Variants in ANO2 observed in about 807,000 individuals in gnomAD.
ANO2 encodes anoctamin-2.
In ANO2, 101 loss-of-function variants were observed where a neutral mutation model predicts 124.2. That is an observed-to-expected ratio of 0.81 (90% confidence interval 0.69 to 0.96). The LOEUF is 0.96. Ranked by LOEUF, ANO2 falls within the 40% of genes least tolerant of loss-of-function variation. The pLI, the probability that ANO2 is intolerant of heterozygous loss-of-function variation, is 0.00. For synonymous variants in ANO2, 486 were observed against 482.5 expected (o/e 1.01, Z -0.09); for missense variants, 1,293 against 1,274.5 (o/e 1.01, Z -0.22).
chr12:5,755,506 T>C (rs904024647), intron 10 of ANO2, among the ~76,000 whole-genome samples: 3 of 152,114 alleles, frequency 2.0e-5, no homozygotes, highest in African/African-American at 7.2e-5. Context: ...GCTGCACCCA[T>C]TAACTCGTCA....
intron 14 of ANO2, among the ~76,000 whole-genome samples, chr12:5,706,774 A>G (rs183029769): frequency 1.3e-5 from 2 of 152,344 alleles, no homozygotes; most frequent in East Asian, 3.8e-4. Context: ...GGTATATAGT[A>G]AATACTCAAC....
At chr12:5,868,700 T>C (rs1193205977) in intron 3 of ANO2, among the ~76,000 whole-genome samples, 2 of 152,168 alleles carry the variant, frequency 1.3e-5, no homozygotes, top group Non-Finnish European at 2.9e-5. Flanking sequence ...GTCTGGATCG[T>C]GTCCTCTCTA....
At position 5,870,028 on chromosome 12, in the gene ANO2, G is replaced by A. The variant is rs116363596; in HGVS notation, c.535-15887C>T. Among the ~76,000 whole-genome samples, 806 of 152,272 alleles carry A rather than the reference G, an allele frequency of 5.3e-3. 10 individuals carry two copies. The highest frequency in any genetic ancestry group is 0.018 in the African/African-American group (763 of 41,540). Reference sequence around the variant, plus strand: ...AAGAATACTGTCACTCTCACTAAACGTGTGTGTCTCAGGAGATGAAGAGAG... The same window carrying A: ...AAGAATACTGTCACTCTCACTAAACATGTGTGTCTCAGGAGATGAAGAGAG... On this transcript the variant is annotated intron_variant, in intron 3 of 24. Coordinates refer to ENST00000682330, the MANE Select transcript of ANO2 (RefSeq NM_001364791.2).
chr12:5,638,912 A>G (rs73042438), intron 15 of ANO2, among the ~76,000 whole-genome samples: 56,823 of 151,962 alleles, frequency 0.37, 11,113 homozygotes, highest in East Asian at 0.66. Flanking sequence ...GGTAAGAGAG[A>G]AGACCTCTTC....
At chr12:5,628,112 G>A (rs1565492833) in intron 16 of ANO2, among the ~76,000 whole-genome samples, 1 of 151,984 alleles carries the variant, frequency 6.6e-6, no homozygotes, top group African/African-American at 2.4e-5. Flanking sequence ...TTTGAAAAAA[G>A]AGAGAGAGAT....
At chr12:5,933,277 G>A (rs1369042218) in intron 1 of ANO2, among the ~76,000 whole-genome samples, 1 of 152,164 alleles carries the variant, frequency 6.6e-6, no homozygotes, top group East Asian at 1.9e-4. Flanking sequence ...ACTGCCTGCA[G>A]CTCCCAGAAG....
chr12:5,920,654 G>A lies in ANO2; in HGVS notation c.534+386C>T, dbSNP rs1010332311. Among the ~76,000 whole-genome samples, 8 of 152,126 alleles carry A rather than the reference G, an allele frequency of 5.3e-5. No homozygotes were observed. The South Asian group carries it at 1.2e-3, about 24-fold the overall frequency. ...GCCGAGGATGCCAGATCAGAAGGTC[G>A]GGAGATCGAGACCATCCTGGCTAAC... On this transcript the variant is annotated intron_variant, in intron 3 of 24. Transcript: ENST00000682330.
intron 14 of ANO2, among the ~76,000 whole-genome samples, chr12:5,728,481 T>C (rs1430002348): frequency 2.0e-5 from 3 of 152,084 alleles, no homozygotes; most frequent in Non-Finnish European, 2.9e-5. Context: ...CTATAAAACA[T>C]TGTTGAAAAA....
chr12:5,575,693 G>T, intron 23 of ANO2, 141 bp downstream of exon 23: 1 of 920,734 alleles, frequency 1.1e-6, no homozygotes, highest in East Asian at 2.7e-5. Context: ...ATAATCTTAC[G>T]GGACAATCGC....
At chr12:5,739,777 C>G in intron 12 of ANO2, 1 of 421,150 alleles carries the variant, frequency 2.4e-6, no homozygotes, top group South Asian at 1.8e-5. Flanking sequence ...TACATTCTTT[C>G]CTCCTTCACC....
intron 14 of ANO2, among the ~76,000 whole-genome samples, chr12:5,711,100 G>A (rs1346787807): frequency 3.3e-5 from 5 of 151,640 alleles, no homozygotes; most frequent in Non-Finnish European, 5.9e-5. Flanking sequence ...AGAGCTTGCA[G>A]TGAGCAGAGA....
chr12:5,871,093 C>T (rs76418087), intron 3 of ANO2, among the ~76,000 whole-genome samples: 2,881 of 152,288 alleles, frequency 0.019, 35 homozygotes, highest in Non-Finnish European at 0.028. Flanking sequence ...GGGCTCTCCA[C>T]GGCCCCAGTC....
Position 5,921,051 on chromosome 12 carries a change from T to C in ANO2, c.523A>G (p.Lys175Glu). ...NLMEAGLELE[K>E]DLENKSQGSI... ...CCCGCCTGACTCACCTCCAAGTCCT[T>C]CTCAAGCTCCAGTCCAGCCTCCATC... Residue 175 changes from lysine to glutamate, a missense_variant, in exon 3 of 25, where the codon AAG (lysine) becomes GAG (glutamate). Coordinates refer to ENST00000682330, the MANE Select transcript of ANO2 (RefSeq NM_001364791.2). The C allele has an allele frequency of 6.2e-7, 1 of 1,606,736 alleles. No individual in the cohort carries two copies. The highest frequency in any genetic ancestry group is 8.5e-7 in the Non-Finnish European group (1 of 1,173,928).
intron 7 of ANO2, among the ~76,000 whole-genome samples, chr12:5,825,552 A>T (rs1319854490): frequency 6.6e-6 from 1 of 151,176 alleles, no homozygotes. Context: ...TGCCACCAGG[A>T]GACACAACAA....
chr12:5,771,220 A>G (rs904061321), intron 10 of ANO2, among the ~76,000 whole-genome samples: 3 of 152,146 alleles, frequency 2.0e-5, no homozygotes, highest in Non-Finnish European at 2.9e-5. Context: ...TCAAAACCCC[A>G]TAAGGTGGGT....
chr12:5,737,819 C>T (rs755984237), intron 13 of ANO2, among the ~76,000 whole-genome samples: 4 of 152,160 alleles, frequency 2.6e-5, no homozygotes, highest in East Asian at 1.9e-4. Context: ...GGAATTTTCC[C>T]GCAAGAAATG....
chr12:5,864,000 T>G (rs925143260), intron 3 of ANO2, among the ~76,000 whole-genome samples: 21 of 152,204 alleles, frequency 1.4e-4, no homozygotes, highest in Middle Eastern at 3.2e-3. Flanking sequence ...AAGGATTTTT[T>G]AAAGAGCAAG....
At chr12:5,889,995 T>C (rs539298591) in intron 3 of ANO2, among the ~76,000 whole-genome samples, 42 of 151,224 alleles carry the variant, frequency 2.8e-4, no homozygotes, top group Non-Finnish European at 5.9e-4. Flanking sequence ...AGATGGGAAA[T>C]AGGACTCACC....
At chr12:5,945,112 G>A in intron 1 of ANO2, 84 bp downstream of exon 1, 1 of 1,215,080 alleles carries the variant, frequency 8.2e-7, no homozygotes, top group East Asian at 6.5e-5. Context: ...ATCCCGAAGG[G>A]TGGGAGTTCG....
Sources: allele counts gnomAD v4.1 joint callset (sites outside exome capture counted in the v4.1 genomes callset), GRCh38; gene constraint gnomAD v4.1.1; transcripts MANE v1.5; gene names NCBI Gene and HGNC (gene_info 2026-07-23, HGNC 2026-07-21).